ACBD6: variants seen among roughly 807,000 people sequenced by gnomAD.
The protein encoded by ACBD6 is acyl-CoA-binding domain-containing protein 6.
Under a neutral mutation model 37.2 loss-of-function variants are expected in ACBD6, and 28 were observed. The observed-to-expected ratio is 0.75, with a 90% CI of 0.56 to 1.03. The LOEUF (loss-of-function observed/expected upper bound fraction) is 1.03. Among genes scored for constraint, ACBD6 ranks in the 50% least tolerant of loss-of-function variants. The pLI, the probability that ACBD6 is intolerant of heterozygous loss-of-function variation, is 0.00. For missense variants in ACBD6, 340 were observed against 337.4 expected (o/e 1.01, Z -0.06); for synonymous variants, 113 against 126.8 (o/e 0.89, Z 0.73).
chr1:180,495,795 C>T (rs1196269328), intron 1 of ACBD6, among the ~76,000 whole-genome samples: 17 of 152,066 alleles, frequency 1.1e-4, no homozygotes, highest in Admixed American at 9.8e-4. Flanking sequence ...GGTTGCACTT[C>T]GAAGTTAGTA....
chr1:180,321,814 T>TTG (rs1052751429), intron 6 of ACBD6, among the ~76,000 whole-genome samples: 3 of 152,274 alleles, frequency 2.0e-5, no homozygotes, highest in African/African-American at 7.2e-5. Flanking sequence ...TATGATAAAT[T>TTG]AAACAAAGAT....
intron 6 of ACBD6, among the ~76,000 whole-genome samples, chr1:180,349,654 GATTTA>G (rs1487305346): frequency 1.5e-4 from 23 of 152,134 alleles, no homozygotes; most frequent in Non-Finnish European, 2.8e-4. Flanking sequence ...TTTAAAAATG[GATTTA>G]ATTTTTCCAT....
chr1:180,319,379 C>G (rs536530860), intron 6 of ACBD6, among the ~76,000 whole-genome samples: 1 of 152,222 alleles, frequency 6.6e-6, no homozygotes, highest in South Asian at 2.1e-4. Context: ...TGTGGGTACA[C>G]AGTAGGTATA....
chr1:180,330,264 T>G (rs1651428536), intron 6 of ACBD6, among the ~76,000 whole-genome samples: 1 of 151,394 alleles, frequency 6.6e-6, no homozygotes. Context: ...ATTTTTTTTT[T>G]TTTTTTAAAG....
At chr1:180,461,370 G>C (rs11587496) in intron 3 of ACBD6, among the ~76,000 whole-genome samples, 3,247 of 152,236 alleles carry the variant, frequency 0.021, 56 homozygotes, top group Non-Finnish European at 0.031. Context: ...TTACTAGACA[G>C]ACCAACACTC....
chr1:180,278,170 A>G (rs1271353933), intron 9 of ACBD6: 1 of 152,248 alleles, frequency 6.6e-6, no homozygotes, highest in South Asian at 2.1e-4. Flanking sequence ...CTCCCCAGCC[A>G]GCAGGGTCTG....
intron 6 of ACBD6, among the ~76,000 whole-genome samples, chr1:180,353,498 C>T (rs1434282136): frequency 6.6e-6 from 1 of 151,920 alleles, no homozygotes; most frequent in Non-Finnish European, 1.5e-5. Flanking sequence ...TACTTAATGG[C>T]CTATTAAATC....
intron 6 of ACBD6, among the ~76,000 whole-genome samples, chr1:180,351,283 T>G (rs1419652905): frequency 1.3e-5 from 2 of 149,614 alleles, no homozygotes; most frequent in African/African-American, 2.4e-5. Flanking sequence ...ATATTACGTT[T>G]TTTTTTTTTT....
At chr1:180,427,050 AT>A (rs1434707825) in intron 4 of ACBD6, among the ~76,000 whole-genome samples, 4 of 152,228 alleles carry the variant, frequency 2.6e-5, no homozygotes, top group African/African-American at 9.6e-5. Context: ...CTGACATTAT[AT>A]TGATACTTTC....
chr1:180,384,020 C>T (rs1199356118), intron 6 of ACBD6, among the ~76,000 whole-genome samples: 2 of 151,652 alleles, frequency 1.3e-5, no homozygotes, highest in African/African-American at 2.4e-5. Flanking sequence ...AAAATCAACT[C>T]AAGATGAATC....
chr1:180,412,265 T>C (rs1407621044), intron 5 of ACBD6, among the ~76,000 whole-genome samples: 3 of 152,170 alleles, frequency 2.0e-5, no homozygotes, highest in Non-Finnish European at 4.4e-5. Context: ...CCAGACACCA[T>C]TGACAATATT....
intron 4 of ACBD6, among the ~76,000 whole-genome samples, chr1:180,421,792 T>C (rs1210040513): frequency 3.3e-5 from 5 of 152,186 alleles, no homozygotes; most frequent in Admixed American, 6.5e-5. Flanking sequence ...TTTCACATGT[T>C]TGTTGGCTGC....
chr1:180,340,289 T>C (rs910142272), intron 6 of ACBD6, among the ~76,000 whole-genome samples: 17 of 152,296 alleles, frequency 1.1e-4, no homozygotes, highest in African/African-American at 3.8e-4. Context: ...AGGATCACTC[T>C]GGCTGCTAGG....
At chr1:180,472,376 G>C (rs1650602997) in intron 3 of ACBD6, among the ~76,000 whole-genome samples, 1 of 152,158 alleles carries the variant, frequency 6.6e-6, no homozygotes, top group Non-Finnish European at 1.5e-5. Flanking sequence ...TTGTGATTTA[G>C]GGTAGATGTA....
At chr1:180,353,920 C>T (rs1171977831) in intron 6 of ACBD6, among the ~76,000 whole-genome samples, 4 of 152,124 alleles carry the variant, frequency 2.6e-5, no homozygotes, top group African/African-American at 9.6e-5. Context: ...CCCTTTCATC[C>T]ACACTTTTGT....
At chr1:180,348,420 C>CA (rs1041452516) in intron 6 of ACBD6, among the ~76,000 whole-genome samples, 2 of 152,052 alleles carry the variant, frequency 1.3e-5, no homozygotes, top group African/African-American at 4.8e-5. Flanking sequence ...AGTTAGAAGG[C>CA]ATGTTGAGGC....
At chr1:180,330,695 T>G (rs191131505) in intron 6 of ACBD6, among the ~76,000 whole-genome samples, 5 of 152,352 alleles carry the variant, frequency 3.3e-5, no homozygotes, top group Non-Finnish European at 7.3e-5. Context: ...AATGTACATC[T>G]ACACAGATGT....
intron 6 of ACBD6, among the ~76,000 whole-genome samples, chr1:180,392,492 G>A (rs967798949): frequency 6.6e-6 from 1 of 152,088 alleles, no homozygotes; most frequent in African/African-American, 2.4e-5. Flanking sequence ...AAGAGCTTGG[G>A]CTTTGGAGTC....
chr1:180,384,859 T>C (rs1176393222), intron 6 of ACBD6, among the ~76,000 whole-genome samples: 1 of 152,122 alleles, frequency 6.6e-6, no homozygotes, highest in Non-Finnish European at 1.5e-5. Flanking sequence ...GCAATGTGGA[T>C]AGAACTGGAG....
Sources: allele counts gnomAD v4.1 joint callset (sites outside exome capture counted in the v4.1 genomes callset), GRCh38; gene constraint gnomAD v4.1.1; transcripts MANE v1.5; gene names NCBI Gene and HGNC (gene_info 2026-07-23, HGNC 2026-07-21).